Variants in SFXN5 observed in about 807,000 individuals in gnomAD.
The protein encoded by SFXN5 is sideroflexin-5.
In SFXN5, 43 loss-of-function variants were observed where a neutral mutation model predicts 50.2. The ratio of observed to expected loss-of-function variants is 0.86; its 90% CI spans 0.67 to 1.11. The LOEUF (loss-of-function observed/expected upper bound fraction) is 1.11, where lower values mean the gene tolerates loss of function less well. SFXN5 is among the 50% of genes least tolerant of loss of function. SFXN5 has a pLI of 0.00. For synonymous variants in SFXN5, 203 were observed against 185.8 expected (o/e 1.09, Z -0.75); for missense variants, 463 against 454.1 (o/e 1.02, Z -0.18).
At chr2:72,955,324 C>T (rs1672971998) in intron 13 of SFXN5, among the ~76,000 whole-genome samples, 1 of 152,228 alleles carries the variant, frequency 6.6e-6, no homozygotes, top group Non-Finnish European at 1.5e-5. Flanking sequence ...TGCACAGTGC[C>T]TCATTAACCT....
At chr2:72,966,879 C>G (rs144478788) in intron 12 of SFXN5, among the ~76,000 whole-genome samples, 1 of 152,324 alleles carries the variant, frequency 6.6e-6, no homozygotes, top group East Asian at 1.9e-4. Flanking sequence ...GACCTGGGTA[C>G]GGGTCTTGCC....
chr2:73,056,132 T>C (rs957537287), intron 2 of SFXN5, among the ~76,000 whole-genome samples: 2 of 150,966 alleles, frequency 1.3e-5, no homozygotes, highest in African/African-American at 4.9e-5. Context: ...AGCAAGACCT[T>C]ATCTCAAAAA....
intron 1 of SFXN5, among the ~76,000 whole-genome samples, chr2:73,064,836 G>C (rs558049157): frequency 6.6e-6 from 1 of 152,212 alleles, no homozygotes; most frequent in African/African-American, 2.4e-5. Flanking sequence ...ACCCAGGCTG[G>C]AGTGCAGTGG....
intron 3 of SFXN5, among the ~76,000 whole-genome samples, chr2:73,029,553 T>A (rs1472032819): frequency 6.6e-6 from 1 of 152,096 alleles, no homozygotes; most frequent in Non-Finnish European, 1.5e-5. Flanking sequence ...AGAGACTAAG[T>A]GACTAAGCCA....
At chr2:73,043,089 TAAAC>T (rs1465820205) in intron 2 of SFXN5, among the ~76,000 whole-genome samples, 6 of 151,848 alleles carry the variant, frequency 4.0e-5, no homozygotes, top group African/African-American at 9.7e-5. Flanking sequence ...AATAAACAAA[TAAAC>T]AAACAGCAGC....
chr2:73,026,728 T>C (rs1323206381), intron 3 of SFXN5, among the ~76,000 whole-genome samples: 1 of 151,918 alleles, frequency 6.6e-6, no homozygotes, highest in East Asian at 1.9e-4. Context: ...TATTTATTTA[T>C]TTATTATTAT....
chr2:73,064,775 A>C (rs745468923), intron 1 of SFXN5, among the ~76,000 whole-genome samples: 13 of 152,308 alleles, frequency 8.5e-5, no homozygotes, highest in Non-Finnish European at 1.8e-4. Flanking sequence ...TGAGACTTCC[A>C]AAGGAGCAAG....
chr2:73,047,243 A>C (rs71337710), intron 2 of SFXN5, among the ~76,000 whole-genome samples: 1 of 24,932 alleles, frequency 4.0e-5, no homozygotes, highest in Non-Finnish European at 6.9e-5. Context: ...AAAAAAAAAA[A>C]AAATATATAT....
intron 13 of SFXN5, among the ~76,000 whole-genome samples, chr2:72,946,963 C>T (rs1347028926): frequency 6.6e-6 from 1 of 152,230 alleles, no homozygotes; most frequent in Non-Finnish European, 1.5e-5. Context: ...GCTCTGTCCC[C>T]ACTCCAGTCT....
rs557866630 is a variant in SFXN5 at position 72,957,497 on chromosome 2, G to A, written c.945+3634C>T. Reference sequence around the variant, plus strand: ...ACTCCACAACAATCACTGCAGGCCAGCCACTCTAGGAACTAGTTCCTAAAT... The same window carrying A: ...ACTCCACAACAATCACTGCAGGCCAACCACTCTAGGAACTAGTTCCTAAAT... On this transcript the variant is annotated intron_variant, in intron 13 of 13. Coordinates refer to ENST00000272433, the MANE Select transcript of SFXN5 (RefSeq NM_144579.3). Among the ~76,000 whole-genome samples the A allele has an allele frequency of 1.1e-3, 163 of 152,334 alleles. 1 individual carries two copies. The highest frequency in any genetic ancestry group is 3.9e-3 in the African/African-American group (161 of 41,572).
intron 6 of SFXN5, among the ~76,000 whole-genome samples, chr2:73,016,179 T>C (rs1676125400): frequency 6.6e-6 from 1 of 152,216 alleles, no homozygotes; most frequent in Admixed American, 6.5e-5. Context: ...GAAATGTCTA[T>C]TTAATTAGTC....
intron 13 of SFXN5, among the ~76,000 whole-genome samples, chr2:72,948,645 G>A (rs977517319): frequency 1.8e-4 from 27 of 152,206 alleles, no homozygotes; most frequent in Middle Eastern, 3.2e-3. Flanking sequence ...ATGCTGGCCC[G>A]GGGGAGACCG....
At chr2:73,056,374 C>A (rs1360754065) in intron 2 of SFXN5, among the ~76,000 whole-genome samples, 1 of 147,112 alleles carries the variant, frequency 6.8e-6, no homozygotes, top group Non-Finnish European at 1.5e-5. Context: ...AAGAGCGAGA[C>A]TCTGTCTCAA....
intron 13 of SFXN5, among the ~76,000 whole-genome samples, chr2:72,948,408 A>C (rs1672181106): frequency 6.6e-6 from 1 of 152,258 alleles, no homozygotes; most frequent in Non-Finnish European, 1.5e-5. Context: ...TAAGCCAAGG[A>C]GTATTTTAAG....
chr2:73,013,986 A>C (rs934366656), intron 6 of SFXN5, among the ~76,000 whole-genome samples: 5 of 152,158 alleles, frequency 3.3e-5, no homozygotes, highest in African/African-American at 1.2e-4. Context: ...ATATTTTTTA[A>C]CATTATATAA....
chr2:73,016,541 C>T (rs1211488088), intron 6 of SFXN5, among the ~76,000 whole-genome samples: 1 of 152,132 alleles, frequency 6.6e-6, no homozygotes, highest in Non-Finnish European at 1.5e-5. Flanking sequence ...CCCATCTCTA[C>T]TAAAAACACA....
At chr2:73,038,242 A>C (rs1009312698) in intron 3 of SFXN5, among the ~76,000 whole-genome samples, 1 of 152,226 alleles carries the variant, frequency 6.6e-6, no homozygotes, top group Non-Finnish European at 1.5e-5. Context: ...ACAATGGTAG[A>C]TATTTGTGTA....
At position 73,014,355 on chromosome 2, in the gene SFXN5, C is replaced by T. The variant is rs539211513; in HGVS notation, c.357+5884G>A. 6.4e-4 allele frequency among the ~76,000 whole-genome samples: 97 copies of T among 152,280 alleles called. 1 individual carries two copies. In the Middle Eastern group the frequency reaches 0.017, roughly 27 times the overall value. The stretch of plus-strand genomic sequence containing the variant: ...TTTTCTCCACTGATTTGTAATGCCA[C>T]CTTAGTCAAATCTTAAATTTCCATA... On this transcript the variant is annotated intron_variant, in intron 6 of 13. Coordinates refer to ENST00000272433, the MANE Select transcript of SFXN5 (RefSeq NM_144579.3).
intron 3 of SFXN5, among the ~76,000 whole-genome samples, chr2:73,037,163 C>T (rs1188835507): frequency 2.0e-5 from 3 of 152,220 alleles, no homozygotes; most frequent in African/African-American, 7.2e-5. Context: ...TTGCCTGGAC[C>T]ACCCCCACCT....
Sources: gnomAD v4.1 joint callset for allele counts (sites outside exome capture counted in the v4.1 genomes callset) on GRCh38, gnomAD v4.1.1 for gene constraint, MANE v1.5 for transcripts, NCBI Gene and HGNC (gene_info 2026-07-23, HGNC 2026-07-21) for gene names.